FHIT: variants seen among roughly 807,000 people sequenced by gnomAD.
The protein encoded by FHIT is fragile histidine triad diadenosine triphosphatase, also known as bis(5'-adenosyl)-triphosphatase.
A neutral mutation model predicts 17.9 loss-of-function variants in FHIT; 19 were observed. The observed-to-expected ratio is 1.06, with a 90% CI of 0.74 to 1.56. FHIT has a LOEUF of 1.56. FHIT is among the 40% of genes most tolerant of loss of function. The pLI is 0.00. For synonymous variants in FHIT, 81 were observed against 69.7 expected, an observed-to-expected ratio of 1.16 and a Z score of -0.81; for missense variants, 248 against 189.2, an observed-to-expected ratio of 1.31 and a Z score of -1.82.
chr3:60,409,635 C>G (rs1287646216), intron 5 of FHIT, among the ~76,000 whole-genome samples: 1 of 152,122 alleles, frequency 6.6e-6, no homozygotes, highest in Non-Finnish European at 1.5e-5. Context: ...ACAGTTTACT[C>G]AAGCCATTTG....
intron 8 of FHIT, among the ~76,000 whole-genome samples, chr3:59,760,584 A>C (rs984322578): frequency 1.3e-5 from 2 of 151,978 alleles, no homozygotes; most frequent in African/African-American, 2.4e-5. Context: ...AATCACTGGA[A>C]TTGATTAGAC....
At chr3:61,171,306 T>C (rs930318401) in intron 2 of FHIT, among the ~76,000 whole-genome samples, 7 of 152,188 alleles carry the variant, frequency 4.6e-5, no homozygotes, top group South Asian at 2.1e-4. Flanking sequence ...GGTTCATTTT[T>C]TCCTTGTAAA....
chr3:60,761,969 C>T (rs555759145), intron 4 of FHIT, among the ~76,000 whole-genome samples: 6 of 152,180 alleles, frequency 3.9e-5, no homozygotes, highest in East Asian at 1.9e-4. Context: ...CCTTTGCTAC[C>T]GGCTTCCATT....
At chr3:60,411,840 C>A (rs1282099138) in intron 5 of FHIT, among the ~76,000 whole-genome samples, 1 of 152,088 alleles carries the variant, frequency 6.6e-6, no homozygotes, top group Non-Finnish European at 1.5e-5. Flanking sequence ...GCTGAAATAT[C>A]TAGTAGAAAC....
intron 5 of FHIT, among the ~76,000 whole-genome samples, chr3:60,030,666 T>C (rs1371311361): frequency 6.6e-6 from 1 of 152,174 alleles, no homozygotes; most frequent in Non-Finnish European, 1.5e-5. Context: ...TCTACCTGGA[T>C]ACAGTATACT....
intron 5 of FHIT, among the ~76,000 whole-genome samples, chr3:60,346,568 C>T (rs1204803814): frequency 6.6e-6 from 1 of 152,146 alleles, no homozygotes; most frequent in Non-Finnish European, 1.5e-5. Context: ...AGGAATCCCC[C>T]ACGCTTTGCT....
At chr3:60,962,491 G>A (rs1483855331) in intron 3 of FHIT, among the ~76,000 whole-genome samples, 1 of 152,182 alleles carries the variant, frequency 6.6e-6, no homozygotes. Flanking sequence ...GTGAAAGAGG[G>A]CATCTCTGTC....
At chr3:61,126,951 G>C (rs1167356187) in intron 2 of FHIT, among the ~76,000 whole-genome samples, 1 of 152,156 alleles carries the variant, frequency 6.6e-6, no homozygotes, top group Non-Finnish European at 1.5e-5. Context: ...TAGAAGAAAA[G>C]TAGAGAGCCT....
At chr3:61,001,253 T>C (rs1042242141) in intron 3 of FHIT, among the ~76,000 whole-genome samples, 27 of 152,222 alleles carry the variant, frequency 1.8e-4, no homozygotes, top group Non-Finnish European at 3.5e-4. Context: ...GTTCAGCTGT[T>C]CATTTTAAAA....
chr3:60,146,928 T>C (rs745798222), intron 5 of FHIT, among the ~76,000 whole-genome samples: 1 of 152,292 alleles, frequency 6.6e-6, no homozygotes, highest in Non-Finnish European at 1.5e-5. Flanking sequence ...CAGTTACAAA[T>C]AGATATAAAA....
chr3:60,573,454 G>T (rs185387638), intron 4 of FHIT, among the ~76,000 whole-genome samples: 2,761 of 151,174 alleles, frequency 0.018, 92 homozygotes, highest in African/African-American at 0.064. Flanking sequence ...GTATAGAAAG[G>T]AGAGTCTCAA....
rs193125565 is a variant in FHIT at position 61,065,772 on chromosome 3, C to T, written c.-163-23673G>A. Among the ~76,000 whole-genome samples the T allele has an allele frequency of 5.6e-3, 849 of 151,520 alleles. 6 individuals carry two copies. The highest frequency in any genetic ancestry group is 9.5e-3 in the Non-Finnish European group (644 of 67,904). ...CACCTCAAAAAAAAAAAAAAATGAA[C>T]GGAAGCTTGAATATACAAGCTTTTA... On this transcript the variant is annotated intron_variant, in intron 2 of 9. Transcript: ENST00000492590.
chr3:61,197,859 A>T (rs1406249547), intron 2 of FHIT, among the ~76,000 whole-genome samples: 2 of 151,504 alleles, frequency 1.3e-5, no homozygotes, highest in Non-Finnish European at 2.9e-5. Flanking sequence ...TCTCATTTCC[A>T]GCTCTACGCC....
chr3:60,259,730 G>A lies in FHIT; in HGVS notation c.104-245578C>T, dbSNP rs370362909. 5.3e-5 allele frequency among the ~76,000 whole-genome samples: 8 copies of A among 152,182 alleles called. No homozygotes were observed. The South Asian group carries it at 1.5e-3, about 28-fold the overall frequency. The stretch of plus-strand genomic sequence containing the variant: ...CTTGCAGACAGTAAGTAGCTAGGCT[G>A]CCCAACTCAAAATCATGTTTCAATA... On this transcript the variant is annotated intron_variant, in intron 5 of 9. Coordinates refer to ENST00000492590, the MANE Select transcript of FHIT (RefSeq NM_002012.4).
intron 8 of FHIT, among the ~76,000 whole-genome samples, chr3:59,809,448 G>A (rs2107033601): frequency 6.6e-6 from 1 of 152,266 alleles, no homozygotes; most frequent in Middle Eastern, 3.4e-3. Context: ...GAACTGGGAG[G>A]GAATGCATTT....
intron 3 of FHIT, among the ~76,000 whole-genome samples, chr3:60,938,057 A>C (rs140804061): frequency 0.014 from 2,208 of 152,278 alleles, 36 homozygotes; most frequent in South Asian, 0.031. Context: ...AATGTCATCC[A>C]CAGAAAACTC....
At chr3:60,984,026 G>C (rs989891640) in intron 3 of FHIT, among the ~76,000 whole-genome samples, 1 of 152,206 alleles carries the variant, frequency 6.6e-6, no homozygotes, top group African/African-American at 2.4e-5. Context: ...CCAAAGGGAA[G>C]CCCTTCCAGA....
chr3:60,959,800 T>C (rs1255173503), intron 3 of FHIT, among the ~76,000 whole-genome samples: 2 of 149,988 alleles, frequency 1.3e-5, no homozygotes, highest in African/African-American at 4.9e-5. Context: ...AGAGGCTTTT[T>C]CTTTTTTTTT....
chr3:59,780,777 T>C (rs764496109), intron 8 of FHIT, among the ~76,000 whole-genome samples: 3 of 152,166 alleles, frequency 2.0e-5, no homozygotes, highest in Non-Finnish European at 2.9e-5. Flanking sequence ...AGCGCCCTGA[T>C]ATTGGACTTC....
Sources: allele counts gnomAD v4.1 joint callset (sites outside exome capture counted in the v4.1 genomes callset), GRCh38; gene constraint gnomAD v4.1.1; transcripts MANE v1.5; gene names NCBI Gene and HGNC (gene_info 2026-07-23, HGNC 2026-07-21).